The following SPAG16 variants were observed in gnomAD, a reference collection of about 807,000 sequenced individuals.
SPAG16 encodes the protein sperm-associated antigen 16 protein.
SPAG16 carries 86 observed loss-of-function variants against 80.4 expected under a neutral mutation model. That is an observed-to-expected ratio of 1.07 (90% CI 0.90 to 1.28). The LOEUF (loss-of-function observed/expected upper bound fraction) is 1.28. Ranked by LOEUF, SPAG16 falls within the 50% of genes most tolerant of loss-of-function variation. The pLI is 0.00. For synonymous variants in SPAG16, 294 were observed against 265.9 expected, an observed-to-expected ratio of 1.11 and a Z score of -1.03; for missense variants, 870 against 765.3, an observed-to-expected ratio of 1.14 and a Z score of -1.61.
intron 9 of SPAG16, among the ~76,000 whole-genome samples, chr2:213,392,511 T>G (rs1439876521): frequency 6.6e-6 from 1 of 152,148 alleles, no homozygotes; most frequent in Non-Finnish European, 1.5e-5. Context: ...GTAAGAAATC[T>G]ATAACCATAT....
At chr2:214,334,262 AG>A (rs1392772862) in intron 15 of SPAG16, among the ~76,000 whole-genome samples, 1 of 152,214 alleles carries the variant, frequency 6.6e-6, no homozygotes, top group Non-Finnish European at 1.5e-5. Flanking sequence ...ATAGATCCTG[AG>A]GGGGGCACAT....
chr2:213,791,756 C>T (rs546201311), intron 10 of SPAG16, among the ~76,000 whole-genome samples: 20 of 152,110 alleles, frequency 1.3e-4, no homozygotes, highest in African/African-American at 3.9e-4. Context: ...TTAAGACAGG[C>T]CCTTATCATT....
chr2:213,337,023 G>A (rs1013737850), intron 5 of SPAG16, among the ~76,000 whole-genome samples: 2 of 152,178 alleles, frequency 1.3e-5, no homozygotes, highest in Non-Finnish European at 2.9e-5. Context: ...GAAGGAGCTG[G>A]CTTCCATCTG....
chr2:213,911,074 A>G (rs1000028203), intron 11 of SPAG16, among the ~76,000 whole-genome samples: 2 of 152,162 alleles, frequency 1.3e-5, no homozygotes, highest in Admixed American at 1.3e-4. Flanking sequence ...TTTAAAAAAA[A>G]AGTGATTACC....
At chr2:213,742,438 G>C (rs1436737867) in intron 10 of SPAG16, among the ~76,000 whole-genome samples, 2 of 151,044 alleles carry the variant, frequency 1.3e-5, no homozygotes, top group African/African-American at 4.9e-5. Context: ...TCAATTACTA[G>C]TTTATAAATT....
intron 15 of SPAG16, among the ~76,000 whole-genome samples, chr2:214,289,676 T>G (rs1158723048): frequency 6.6e-6 from 1 of 152,234 alleles, no homozygotes; most frequent in Non-Finnish European, 1.5e-5. Flanking sequence ...GTCTTCAGCT[T>G]TGTTCCTTTG....
intron 7 of SPAG16, among the ~76,000 whole-genome samples, chr2:213,357,055 G>T (rs1467010974): frequency 6.6e-6 from 1 of 152,108 alleles, no homozygotes; most frequent in Admixed American, 6.6e-5. Context: ...GTAGTTGTGT[G>T]GTTTTGAGTG....
At chr2:213,973,788 T>C (rs907806675) in intron 12 of SPAG16, among the ~76,000 whole-genome samples, 2 of 152,118 alleles carry the variant, frequency 1.3e-5, no homozygotes, top group African/African-American at 4.8e-5. Context: ...TGGTGTTTTG[T>C]GGATATTGCT....
chr2:213,800,255 C>T (rs1239697001), intron 10 of SPAG16, among the ~76,000 whole-genome samples: 1 of 151,910 alleles, frequency 6.6e-6, no homozygotes, highest in Non-Finnish European at 1.5e-5. Context: ...ATGCTTCTGC[C>T]ATATTTCTTG....
intron 10 of SPAG16, among the ~76,000 whole-genome samples, chr2:213,626,641 ATTTTTTTT>A (rs10582370): frequency 3.0e-5 from 3 of 98,980 alleles, no homozygotes; most frequent in African/African-American, 7.9e-5. Context: ...ATCGGGCTCA[ATTTTTTTT>A]TTTTTTTTTT....
intron 15 of SPAG16, among the ~76,000 whole-genome samples, chr2:214,260,131 GATAAAATC>G (rs1314288742): frequency 2.6e-5 from 4 of 152,050 alleles, no homozygotes; most frequent in South Asian, 4.1e-4. Flanking sequence ...TAAAAAAACA[GATAAAATC>G]TCAGTCCATA....
At chr2:213,580,911 T>G (rs188673949) in intron 10 of SPAG16, among the ~76,000 whole-genome samples, 146 of 151,674 alleles carry the variant, frequency 9.6e-4, no homozygotes, top group African/African-American at 2.8e-3. Context: ...GTGTGTGTGT[T>G]TTTTTACTAT....
intron 15 of SPAG16, among the ~76,000 whole-genome samples, chr2:214,162,429 G>A (rs958539349): frequency 6.6e-6 from 1 of 152,076 alleles, no homozygotes; most frequent in African/African-American, 2.4e-5. Flanking sequence ...TCAAAGACAA[G>A]TTTCATGGTA....
At chr2:213,889,717 G>T (rs1185259464) in intron 11 of SPAG16, among the ~76,000 whole-genome samples, 1 of 130,758 alleles carries the variant, frequency 7.6e-6, no homozygotes, top group South Asian at 2.6e-4. Context: ...ATATACATAT[G>T]CATATATATA....
At chr2:213,555,174 G>T (rs920912636) in intron 10 of SPAG16, among the ~76,000 whole-genome samples, 13 of 152,170 alleles carry the variant, frequency 8.5e-5, no homozygotes, top group Non-Finnish European at 5.9e-5. Context: ...TGACTAAATG[G>T]TATGATATAT....
chr2:213,945,902 G>A (rs931175024), intron 12 of SPAG16, among the ~76,000 whole-genome samples: 5 of 152,120 alleles, frequency 3.3e-5, no homozygotes, highest in South Asian at 2.1e-4. Flanking sequence ...GATAGCAACC[G>A]TTTTGCGAAC....
At chr2:213,331,467 A>T (rs1245906659) in intron 5 of SPAG16, among the ~76,000 whole-genome samples, 2 of 152,226 alleles carry the variant, frequency 1.3e-5, no homozygotes, top group Non-Finnish European at 2.9e-5. Context: ...AGCTAAAGAG[A>T]GGGAGAGATC....
chr2:213,500,279 A>G (rs1390182374), intron 10 of SPAG16, among the ~76,000 whole-genome samples: 1 of 152,176 alleles, frequency 6.6e-6, no homozygotes, highest in African/African-American at 2.4e-5. Context: ...TGAAAGGAAA[A>G]CTAGGCATTT....
chr2:213,980,934 G>T (rs569799403), intron 12 of SPAG16, among the ~76,000 whole-genome samples: 2 of 151,572 alleles, frequency 1.3e-5, no homozygotes, highest in African/African-American at 4.8e-5. Flanking sequence ...GAGTAAATAC[G>T]TTCTGAGTAA....
Sources: allele counts gnomAD v4.1 joint callset (sites outside exome capture counted in the v4.1 genomes callset), GRCh38; gene constraint gnomAD v4.1.1; transcripts MANE v1.5; gene names NCBI Gene and HGNC (gene_info 2026-07-23, HGNC 2026-07-21).